PTPN11: variants seen among roughly 807,000 people sequenced by gnomAD.
The protein encoded by PTPN11 is tyrosine-protein phosphatase non-receptor type 11.
PTPN11 carries 6 observed loss-of-function variants against 78.8 expected under a neutral mutation model. The observed-to-expected ratio is 0.08, with a 90% CI of 0.04 to 0.15. PTPN11 has a LOEUF of 0.15. Ranked by LOEUF, PTPN11 falls within the 10% of genes least tolerant of loss-of-function variation. The probability of loss-of-function intolerance (pLI) is 1.00; values close to 1 mark genes in which losing one functional copy is unlikely to be tolerated. For synonymous variants in PTPN11, 221 were observed against 263.5 expected (o/e 0.84, Z 1.56); for missense variants, 386 against 744.8 (o/e 0.52, Z 5.61).
intron 1 of PTPN11, among the ~76,000 whole-genome samples, chr12:112,421,525 G>A (rs2037522048): frequency 6.6e-6 from 1 of 152,122 alleles, no homozygotes; most frequent in South Asian, 2.1e-4. Flanking sequence ...GTGTTGCCCA[G>A]GGCAGTCTCA....
intron 1 of PTPN11, among the ~76,000 whole-genome samples, chr12:112,419,342 C>G (rs2037480989): frequency 6.6e-6 from 1 of 152,174 alleles, no homozygotes; most frequent in East Asian, 1.9e-4. Context: ...CCTGCCTCCC[C>G]GAGTTCCGGC....
At chr12:112,443,803 C>T (rs1270344766) in intron 1 of PTPN11, among the ~76,000 whole-genome samples, 6 of 151,902 alleles carry the variant, frequency 3.9e-5, no homozygotes, top group Non-Finnish European at 8.8e-5. Context: ...TAGGCACACA[C>T]CACCATGCAT....
chr12:112,496,372 GT>G (rs993306015), intron 13 of PTPN11, among the ~76,000 whole-genome samples: 3 of 152,084 alleles, frequency 2.0e-5, no homozygotes, highest in African/African-American at 7.2e-5. Flanking sequence ...TGGTGCCCTG[GT>G]TCCTTTTACT....
In PTPN11 at chr12:112,419,010, C is replaced by T. The variant is rs567977545; in HGVS notation, c.-102C>T. 20 of 1,456,906 alleles carry T rather than the reference C, an allele frequency of 1.4e-5. No individual in the cohort carries two copies. The Admixed American group carries it at 1.6e-4, about 12-fold the overall frequency. The allele number at this position is 1,456,906 out of a possible 1,614,324, so 90.2% of individuals were successfully genotyped here. On this transcript the variant is annotated 5_prime_UTR_variant, in exon 1 of 16. Transcript: ENST00000351677. ...GCGGCCGGCTGGCTCTGCCCCGCGT[C>T]CGGTCCCGAGCGGGCCTCCCTCGGG...
At chr12:112,424,956 T>TTTTG (rs2037587896) in intron 1 of PTPN11, among the ~76,000 whole-genome samples, 2 of 89,054 alleles carry the variant, frequency 2.2e-5, no homozygotes, top group African/African-American at 8.5e-5. Context: ...GTCAGGCTAA[T>TTTTG]TGTGTGTGTG....
In PTPN11 at chr12:112,504,703, A is replaced by G; in HGVS notation, c.1721A>G (p.Glu574Gly). 1 of 1,578,782 alleles carries G rather than the reference A, an allele frequency of 6.3e-7. No individual in the cohort carries two copies. The highest frequency in any genetic ancestry group is 8.7e-7 in the Non-Finnish European group (1 of 1,148,440). ...TPTPPCAEMR[E>G]DSARVYENVG... The stretch of plus-strand genomic sequence containing the variant: ...TTTTCTTTTCTCTCCAGAATGAGAG[A>G]AGACAGTGCTAGAGTCTATGAAAAC... The change falls in exon 15 of 16, where the codon GAA becomes GGA. Residue 574 changes from glutamate to glycine, a missense_variant. Physicochemically the swap from Glu to Gly is moderately conservative, Grantham distance 98 (BLOSUM62 -2). Coordinates refer to ENST00000351677, the MANE Select transcript of PTPN11 (RefSeq NM_002834.5). The surrounding 1 kb of genome is among the most constrained non-coding windows in gnomAD (Gnocchi z 4.7).
intron 13 of PTPN11, among the ~76,000 whole-genome samples, chr12:112,492,256 G>A (rs1426136124): frequency 6.6e-6 from 1 of 152,128 alleles, no homozygotes; most frequent in Non-Finnish European, 1.5e-5. Flanking sequence ...TTCATTACTA[G>A]TGGTGTTAAC....
rs1228009060 is a variant in PTPN11, at chr12:112,450,471, G to A, written c.291G>A (p.Glu97=). Residue 97 remains glutamate (E), a synonymous_variant, in exon 3 of 16, where the codon GAG becomes GAA. Coordinates refer to ENST00000351677, the MANE Select transcript of PTPN11 (RefSeq NM_002834.5). ...QLKEKNGDVI[E]LKYPLNCADP... ...AAGAGAAGAATGGAGATGTCATTGA[G>A]CTTAAATATCCTCTGAACTGTGCAG... 1 of 1,614,050 alleles carries A rather than the reference G, an allele frequency of 6.2e-7. No individual in the cohort carries two copies. Among genetic ancestry groups the A allele is most frequent in the Non-Finnish European group, 8.5e-7 (1 of 1,179,948 alleles).
chr12:112,482,034 G>C lies in PTPN11; in HGVS notation c.1093-40G>C, dbSNP rs368850099. ...TGCTTGTTTAGGCTTTTATTTCAGA[G>C]TTCACAGAATTAACTTTCTTTTTTT... On this transcript the variant is annotated intron_variant, in intron 9 of 15. Coordinates refer to ENST00000351677, the MANE Select transcript of PTPN11 (RefSeq NM_002834.5). This position sits in a 1 kb window ranked among gnomAD's most constrained non-coding sequence, Gnocchi z 4.4. 7.9e-6 allele frequency: 12 copies of C among 1,527,226 alleles called. No homozygotes were observed. The African/African-American group carries it at 1.5e-4, about 19-fold the overall frequency. The allele number at this position is 1,527,226 out of a possible 1,614,324, so 94.6% of individuals were successfully genotyped here. A position where few individuals can be genotyped will look rare whatever the true frequency, so the allele number is the denominator to read the frequency against.
intron 1 of PTPN11, among the ~76,000 whole-genome samples, chr12:112,430,604 C>CTTT (rs112147637): frequency 7.0e-6 from 1 of 143,502 alleles, no homozygotes; most frequent in African/African-American, 2.5e-5. Flanking sequence ...AATTACAAAA[C>CTTT]TTTTTTTTTT....
chr12:112,482,121 T>C lies in PTPN11; in HGVS notation c.1140T>C (p.Tyr380=), dbSNP rs1280599320. Residue 380 remains tyrosine (Y), a synonymous_variant, in exon 10 of 16, where the codon TAT becomes TAC. Coordinates refer to ENST00000351677, the MANE Select transcript of PTPN11 (RefSeq NM_002834.5). This position sits in a 1 kb window ranked among gnomAD's most constrained non-coding sequence, Gnocchi z 4.4. ...YWPDEYALKE[Y]GVMRVRNVKE... is the part of the protein sequence containing the mutation. Reference sequence around the variant, plus strand: ...CTGATGAGTATGCTCTAAAAGAATATGGCGTCATGCGTGTTAGGAACGTCA... The same window carrying C: ...CTGATGAGTATGCTCTAAAAGAATACGGCGTCATGCGTGTTAGGAACGTCA... 1.9e-6 allele frequency: 3 copies of C among 1,594,262 alleles called. No homozygotes were observed. Among genetic ancestry groups the C allele is most frequent in the Middle Eastern group, 1.7e-4 (1 of 6,022 alleles).
intron 7 of PTPN11, among the ~76,000 whole-genome samples, chr12:112,476,463 A>C (rs1045332564): frequency 8.5e-5 from 13 of 152,274 alleles, no homozygotes; most frequent in African/African-American, 3.1e-4. Context: ...ATTCCACTGC[A>C]TTATGCTTCA....
chr12:112,499,418 C>T (rs2038848046), intron 13 of PTPN11, among the ~76,000 whole-genome samples: 2 of 152,018 alleles, frequency 1.3e-5, no homozygotes, highest in Non-Finnish European at 1.5e-5. Context: ...TGGCTCACTG[C>T]GACCTCTATC....
At chr12:112,499,128 A>C (rs1336287521) in intron 13 of PTPN11, among the ~76,000 whole-genome samples, 1 of 152,174 alleles carries the variant, frequency 6.6e-6, no homozygotes, top group Non-Finnish European at 1.5e-5. Flanking sequence ...TCTATACAGC[A>C]GTGGGTATAT....
chr12:112,494,949 C>T (rs1022741349), intron 13 of PTPN11, among the ~76,000 whole-genome samples: 2 of 152,202 alleles, frequency 1.3e-5, no homozygotes, highest in East Asian at 1.9e-4. Context: ...GTTCTGAGCA[C>T]GTTTAAAGTA....
chr12:112,450,051 A>G (rs1162509003), intron 2 of PTPN11, among the ~76,000 whole-genome samples: 1 of 150,616 alleles, frequency 6.6e-6, no homozygotes, highest in Admixed American at 6.7e-5. Flanking sequence ...ACGTCATTGC[A>G]CTCCAGCCTG....
Position 112,486,594 on chromosome 12 carries a change from C to T in PTPN11, c.1344C>T (p.Ser448=), listed in dbSNP as rs2038680392. Residue 448 remains serine, a synonymous_variant, in exon 11 of 16, where the codon AGC becomes AGT. Transcript: ENST00000351677. The part of the protein sequence containing the change: ...FLEEVHHKQE[S]IMDAGPVVVH... ...AGGAGGTGCACCATAAGCAGGAGAG[C>T]ATCATGGATGCAGGGCCGGTCGTGG... 1 of 1,613,724 alleles carries T rather than the reference C, an allele frequency of 6.2e-7. No individual in the cohort carries two copies. The highest frequency in any genetic ancestry group is 2.2e-5 in the East Asian group (1 of 44,888).
intron 10 of PTPN11, among the ~76,000 whole-genome samples, chr12:112,484,938 G>A (rs2038651127): frequency 6.6e-6 from 1 of 151,396 alleles, no homozygotes; most frequent in Non-Finnish European, 1.5e-5. Flanking sequence ...AGAAAAAAGA[G>A]AAAAGTGTCC....
In PTPN11 at chr12:112,450,364, T is replaced by A. The variant is rs121918460; in HGVS notation, c.184T>A (p.Tyr62Asn). ...CATCAAGATTCAGAACACTGGTGAT[T>A]ACTATGACCTGTATGGAGGGGAGAA... ...THIKIQNTGDYYDLYGGEKFA... is the reference protein window; with the variant it reads ...THIKIQNTGDNYDLYGGEKFA... Residue 62 changes from tyrosine to asparagine, a missense_variant, in exon 3 of 16, where the codon TAC becomes AAC. By Grantham distance (143) the Tyr-to-Asn change is moderately radical (BLOSUM62 -2). This residue lies in a region of PTPN11 where 279 missense variants were observed against 503.3 expected (regional missense o/e 0.55). Transcript: ENST00000351677. 1.2e-6 allele frequency: 2 copies of A among 1,613,274 alleles called. No individual in the cohort carries two copies. Among genetic ancestry groups the A allele is most frequent in the South Asian group, 1.1e-5 (1 of 91,046 alleles).
Sources: gnomAD v4.1 joint callset for allele counts (sites outside exome capture counted in the v4.1 genomes callset) on GRCh38, gnomAD v4.1.1 for gene constraint, gnomAD v4.1.1 regional missense constraint, Gnocchi (gnomAD v3.1) non-coding constraint, MANE v1.5 for transcripts, NCBI Gene and HGNC (gene_info 2026-07-23, HGNC 2026-07-21) for gene names.